NCEH1: variants seen among roughly 807,000 people sequenced by gnomAD.
NCEH1 encodes 2-acetyl MAGE hydrolase.
In NCEH1, 9 loss-of-function variants were observed where a neutral mutation model predicts 25.4. The ratio of observed to expected loss-of-function variants is 0.35; its 90% CI spans 0.21 to 0.62. The LOEUF (loss-of-function observed/expected upper bound fraction) is 0.62. Among genes scored for constraint, NCEH1 ranks in the 20% least tolerant of loss-of-function variants. NCEH1 has a pLI of 0.72. For missense variants in NCEH1, 412 were observed against 501.1 expected, an observed-to-expected ratio of 0.82 and a Z score of 1.70; for synonymous variants, 200 against 199.8, an observed-to-expected ratio of 1.00 and a Z score of -0.01.
chr3:172,669,787 T>G (rs374900282), intron 1 of NCEH1, among the ~76,000 whole-genome samples: 3 of 152,248 alleles, frequency 2.0e-5, no homozygotes, highest in Non-Finnish European at 4.4e-5. Flanking sequence ...TCCACCTGCC[T>G]TGGCCTCCCA....
chr3:172,687,465 A>G (rs1224563013), intron 1 of NCEH1, among the ~76,000 whole-genome samples: 2 of 152,258 alleles, frequency 1.3e-5, no homozygotes, highest in African/African-American at 2.4e-5. Context: ...CATTTGCAAC[A>G]CTTGTAAAAA....
At chr3:172,660,595 G>T (rs7637203) in intron 1 of NCEH1, among the ~76,000 whole-genome samples, 30,117 of 152,150 alleles carry the variant, frequency 0.2, 3,306 homozygotes, top group Non-Finnish European at 0.26. Context: ...TCCACCCACA[G>T]TGTAAAAGCA....
intron 1 of NCEH1, among the ~76,000 whole-genome samples, chr3:172,660,230 G>T (rs1328561454): frequency 6.6e-6 from 1 of 151,092 alleles, no homozygotes; most frequent in Non-Finnish European, 1.5e-5. Flanking sequence ...GCAGTGTTTG[G>T]TTTTCTGTCC....
chr3:172,688,476 G>A (rs1712832552), intron 1 of NCEH1, among the ~76,000 whole-genome samples: 2 of 151,798 alleles, frequency 1.3e-5, no homozygotes, highest in Non-Finnish European at 2.9e-5. Context: ...CTTGATTTGA[G>A]TATAGTCTTG....
chr3:172,673,569 T>C (rs955295031), intron 1 of NCEH1, among the ~76,000 whole-genome samples: 6 of 152,248 alleles, frequency 3.9e-5, no homozygotes, highest in Admixed American at 2.0e-4. Context: ...AACACTAATA[T>C]ATCTCCTATA....
chr3:172,663,576 A>G (rs190605959), intron 1 of NCEH1, among the ~76,000 whole-genome samples: 52 of 152,132 alleles, frequency 3.4e-4, no homozygotes, highest in African/African-American at 1.3e-3. Flanking sequence ...AAGTCTCCCA[A>G]TATTATTGTT....
chr3:172,634,210 T>C, intron 4 of NCEH1, 118 bp from the exon 5 acceptor site: 7 of 942,652 alleles, frequency 7.4e-6, no homozygotes, highest in Non-Finnish European at 1.1e-5. Flanking sequence ...AAGTGTTACA[T>C]TTCTACCAGG....
At chr3:172,680,138 A>T (rs905861703) in intron 1 of NCEH1, among the ~76,000 whole-genome samples, 1 of 152,184 alleles carries the variant, frequency 6.6e-6, no homozygotes, top group Non-Finnish European at 1.5e-5. Context: ...ATTCTTTTAC[A>T]CATTAGAGTT....
At chr3:172,677,860 G>T (rs1171170774) in intron 1 of NCEH1, among the ~76,000 whole-genome samples, 1 of 152,204 alleles carries the variant, frequency 6.6e-6, no homozygotes, top group Admixed American at 6.5e-5. Flanking sequence ...CCCGGGAGGC[G>T]GAGCCTGCAG....
At position 172,635,901 on chromosome 3, in the gene NCEH1, G is replaced by A; in HGVS notation, c.609+15C>T. On this transcript the variant is annotated intron_variant, in intron 4 of 4. Coordinates refer to ENST00000475381, the MANE Select transcript of NCEH1 (RefSeq NM_020792.6). The stretch of plus-strand genomic sequence containing the variant: ...CACCGCTTAACCCACCAGCACCTTA[G>A]GACAGTGGTGTTACCTGTTGTCCAA... The A allele has an allele frequency of 1.9e-6, 3 of 1,613,566 alleles. No homozygotes were observed.
chr3:172,677,564 T>C (rs1405958654), intron 1 of NCEH1, among the ~76,000 whole-genome samples: 5 of 150,410 alleles, frequency 3.3e-5, no homozygotes, highest in Non-Finnish European at 7.4e-5. Flanking sequence ...TACACTCGTA[T>C]GCTCATTTGG....
chr3:172,674,256 A>G (rs1711811503), intron 1 of NCEH1, among the ~76,000 whole-genome samples: 1 of 152,162 alleles, frequency 6.6e-6, no homozygotes, highest in African/African-American at 2.4e-5. Flanking sequence ...CCTGGCCAAC[A>G]TGGTGAAACC....
intron 1 of NCEH1, among the ~76,000 whole-genome samples, chr3:172,653,718 G>T (rs949512513): frequency 2.0e-5 from 2 of 99,202 alleles, no homozygotes; most frequent in Non-Finnish European, 4.1e-5. Context: ...GTTTGTTTTT[G>T]TTGTTGTTGT....
chr3:172,689,251 CTTTTTTTTTTTTT>C (rs34888694), intron 1 of NCEH1, among the ~76,000 whole-genome samples: 1 of 80,920 alleles, frequency 1.2e-5, no homozygotes, highest in Non-Finnish European at 2.3e-5. Context: ...CTTGGAGTAA[CTTTTTTTTTTTTT>C]TTTTTTTTTT....
At chr3:172,653,760 GT>G (rs780425751) in intron 1 of NCEH1, among the ~76,000 whole-genome samples, 33 of 54,420 alleles carry the variant, frequency 6.1e-4, no homozygotes, top group East Asian at 4.8e-3. Context: ...TTGTTTTTTT[GT>G]TTTTTTTTTT....
At chr3:172,661,536 G>T (rs1382523329) in intron 1 of NCEH1, among the ~76,000 whole-genome samples, 1 of 152,138 alleles carries the variant, frequency 6.6e-6, no homozygotes, top group African/African-American at 2.4e-5. Context: ...GATGGGGATG[G>T]CATGGAATTT....
At chr3:172,694,352 A>C (rs2108531340) in intron 1 of NCEH1, among the ~76,000 whole-genome samples, 1 of 151,954 alleles carries the variant, frequency 6.6e-6, no homozygotes, top group South Asian at 2.1e-4. Flanking sequence ...ACATTAATTT[A>C]GTTATTTGGG....
At chr3:172,704,871 T>A (rs1034315526) in intron 1 of NCEH1, among the ~76,000 whole-genome samples, 4 of 152,254 alleles carry the variant, frequency 2.6e-5, no homozygotes, top group African/African-American at 9.6e-5. Flanking sequence ...AGCTTTTTAA[T>A]AGCTATATAT....
intron 4 of NCEH1, 81 bp downstream of exon 4, chr3:172,635,835 C>A (rs1004546586): frequency 7.4e-7 from 1 of 1,349,918 alleles, no homozygotes; most frequent in South Asian, 1.4e-5. Flanking sequence ...GCATTTGCCA[C>A]ACATAATGGA....
Sources: allele counts gnomAD v4.1 joint callset (sites outside exome capture counted in the v4.1 genomes callset), GRCh38; gene constraint gnomAD v4.1.1; transcripts MANE v1.5; gene names NCBI Gene and HGNC (gene_info 2026-07-23, HGNC 2026-07-21).